Variants in MCTP1 observed in about 807,000 individuals in gnomAD.
MCTP1 encodes multiple C2 and transmembrane domain-containing protein 1.
MCTP1 carries 69 observed loss-of-function variants against 120.6 expected under a neutral mutation model. That is an observed-to-expected ratio of 0.57 (90% CI 0.47 to 0.70). The LOEUF (loss-of-function observed/expected upper bound fraction) is 0.70, where lower values mean the gene tolerates loss of function less well. MCTP1 is among the 30% of genes least tolerant of loss of function. MCTP1 has a pLI of 0.00. For missense variants in MCTP1, 1,203 were observed against 1,248.8 expected (o/e 0.96, Z 0.55); for synonymous variants, 529 against 493.1 (o/e 1.07, Z -0.96).
At chr5:94,724,297 G>T (rs1179853064) in intron 19 of MCTP1, among the ~76,000 whole-genome samples, 1 of 152,010 alleles carries the variant, frequency 6.6e-6, no homozygotes, top group Non-Finnish European at 1.5e-5. Context: ...CCAGGCTGGA[G>T]TGCAGTGGCT....
intron 1 of MCTP1, among the ~76,000 whole-genome samples, chr5:95,143,487 C>G (rs932164359): frequency 5.3e-5 from 8 of 151,962 alleles, no homozygotes; most frequent in African/African-American, 1.9e-4. Flanking sequence ...TGTGTGATTC[C>G]ATGGTTTGGG....
At chr5:94,928,345 A>T (rs2153474360) in intron 6 of MCTP1, among the ~76,000 whole-genome samples, 1 of 152,272 alleles carries the variant, frequency 6.6e-6, no homozygotes, top group South Asian at 2.1e-4. Flanking sequence ...TTCACAAAAT[A>T]CACATAAATC....
chr5:95,202,032 G>A (rs1488811214), intron 1 of MCTP1, among the ~76,000 whole-genome samples: 1 of 152,124 alleles, frequency 6.6e-6, no homozygotes, highest in Non-Finnish European at 1.5e-5. Context: ...GAGAACTGGT[G>A]AAGCATTGTT....
intron 2 of MCTP1, among the ~76,000 whole-genome samples, chr5:94,986,988 C>T (rs1422452126): frequency 6.6e-6 from 1 of 152,146 alleles, no homozygotes; most frequent in African/African-American, 2.4e-5. Context: ...TACTTCAAAT[C>T]ATCTCTAGAT....
chr5:94,846,615 C>A (rs1453275727), intron 17 of MCTP1, among the ~76,000 whole-genome samples: 2 of 152,050 alleles, frequency 1.3e-5, no homozygotes, highest in Non-Finnish European at 2.9e-5. Context: ...ATGCAGTTTA[C>A]CTATAATAAC....
At chr5:95,174,167 TA>T (rs376370710) in intron 1 of MCTP1, among the ~76,000 whole-genome samples, 80 of 152,128 alleles carry the variant, frequency 5.3e-4, no homozygotes, top group African/African-American at 1.8e-3. Flanking sequence ...GTTGAATGAA[TA>T]AATGCATGCT....
chr5:95,025,447 C>T (rs1839085317), intron 1 of MCTP1, among the ~76,000 whole-genome samples: 2 of 152,148 alleles, frequency 1.3e-5, no homozygotes, highest in Admixed American at 1.3e-4. Context: ...TATGGTAATA[C>T]TCAAAAGTTT....
chr5:94,897,949 A>AT (rs1475424625), intron 10 of MCTP1, among the ~76,000 whole-genome samples: 1 of 152,186 alleles, frequency 6.6e-6, no homozygotes, highest in Non-Finnish European at 1.5e-5. Flanking sequence ...ATGCTTTAAA[A>AT]ATATATATAA....
intron 19 of MCTP1, among the ~76,000 whole-genome samples, chr5:94,740,713 G>A (rs140268589): frequency 2.1e-4 from 32 of 152,254 alleles, no homozygotes; most frequent in Non-Finnish European, 3.1e-4. Context: ...CCATATTTCC[G>A]AGTGCCAACT....
chr5:94,962,451 G>A (rs1824505296), intron 2 of MCTP1, among the ~76,000 whole-genome samples: 2 of 149,324 alleles, frequency 1.3e-5, no homozygotes, highest in South Asian at 2.1e-4. Context: ...ATCATATATT[G>A]TATATATTGT....
chr5:95,203,223 C>T (rs1226531834), intron 1 of MCTP1, among the ~76,000 whole-genome samples: 6 of 152,150 alleles, frequency 3.9e-5, no homozygotes, highest in Non-Finnish European at 5.9e-5. Flanking sequence ...ATATTTTGAA[C>T]GTTACTTCCA....
intron 2 of MCTP1, among the ~76,000 whole-genome samples, chr5:95,005,870 A>T (rs1054777228): frequency 6.6e-6 from 1 of 152,092 alleles, no homozygotes; most frequent in Non-Finnish European, 1.5e-5. Flanking sequence ...AACAAGTAAG[A>T]TAATTATTTG....
chr5:94,714,099 T>A (rs995613602), intron 20 of MCTP1, among the ~76,000 whole-genome samples: 1 of 152,002 alleles, frequency 6.6e-6, no homozygotes, highest in African/African-American at 2.4e-5. Flanking sequence ...AAAAAAAATA[T>A]AACATTAGTT....
At chr5:94,919,335 A>C (rs762300260) in intron 7 of MCTP1, among the ~76,000 whole-genome samples, 1 of 152,228 alleles carries the variant, frequency 6.6e-6, no homozygotes, top group Non-Finnish European at 1.5e-5. Flanking sequence ...TGGATCACTA[A>C]AAATGAGATA....
chr5:95,127,000 G>T (rs912725847), intron 1 of MCTP1, among the ~76,000 whole-genome samples: 1 of 152,134 alleles, frequency 6.6e-6, no homozygotes, highest in East Asian at 1.9e-4. Context: ...TGTTACTGAA[G>T]GAAGTCAAAG....
intron 1 of MCTP1, among the ~76,000 whole-genome samples, chr5:95,282,212 G>GT (rs774797918): frequency 9.3e-4 from 142 of 151,958 alleles, no homozygotes; most frequent in Non-Finnish European, 1.1e-3. Flanking sequence ...ACATAGTAGT[G>GT]TTTTTTTTAA....
chr5:94,736,580 C>T (rs936817316), intron 19 of MCTP1, among the ~76,000 whole-genome samples: 7 of 152,136 alleles, frequency 4.6e-5, no homozygotes, highest in African/African-American at 7.2e-5. Context: ...ACCCTGAGAA[C>T]TTAGTGTAAC....
intron 2 of MCTP1, among the ~76,000 whole-genome samples, chr5:94,960,482 C>T (rs890896008): frequency 2.0e-5 from 3 of 152,064 alleles, no homozygotes; most frequent in African/African-American, 7.2e-5. Context: ...AGTGAACAGG[C>T]AACCTACAGA....
chr5:94,850,498 T>A (rs959478843), intron 17 of MCTP1, among the ~76,000 whole-genome samples: 1 of 152,048 alleles, frequency 6.6e-6, no homozygotes, highest in Admixed American at 6.6e-5. Context: ...ACAATTAGCA[T>A]GGAGGGGGAA....
Sources: allele counts gnomAD v4.1 joint callset (sites outside exome capture counted in the v4.1 genomes callset), GRCh38; gene constraint gnomAD v4.1.1; transcripts MANE v1.5; gene names NCBI Gene and HGNC (gene_info 2026-07-23, HGNC 2026-07-21).